Variants in KCNE1 observed in about 807,000 individuals in gnomAD.
KCNE1 encodes the protein potassium voltage-gated channel subfamily E member 1.
In KCNE1, 1 loss-of-function variant was observed where a neutral mutation model predicts 2.9. The ratio of observed to expected loss-of-function variants is 0.34; its 90% confidence interval spans 0.12 to 1.62. The LOEUF (loss-of-function observed/expected upper bound fraction) is 1.62. Ranked by LOEUF, KCNE1 falls within the 40% of genes most tolerant of loss-of-function variation. The pLI is 0.36. For missense variants in KCNE1, 45 were observed against 150.5 expected (o/e 0.30, Z 3.67); for synonymous variants, 23 against 65.4 (o/e 0.35, Z 3.13).
chr21:34,449,583 GC>G lies in KCNE1; in HGVS notation c.51del (p.Trp17CysfsTer47). The G allele has an allele frequency of 1.0e-6, 1 of 992,696 alleles. No homozygotes were observed. The highest frequency in any genetic ancestry group is 2.2e-5 in the Admixed American group (1 of 46,288). 61.5% of individuals were successfully genotyped at this position (992,696 alleles called of 1,614,324 possible). Reference sequence around the variant, plus strand: ...TTGCCACCCTGCTGAACTGTCTCCTGCCACAGCTTGGTCAGAAAGGGCGTCA... The same window carrying G: ...TTGCCACCCTGCTGAACTGTCTCCTGCACAGCTTGGTCAGAAAGGGCGTCA... The part of the protein sequence containing the change: ...TAVTPFLTKL[W>X]QETVQQGGNM... On this transcript the variant is annotated frameshift_variant, in exon 4 of 4. Coordinates refer to ENST00000399286, the MANE Select transcript of KCNE1 (RefSeq NM_000219.6). LOFTEE classifies it high-confidence loss of function.
chr21:34,498,546 C>T (rs1054893097), intron 2 of KCNE1, among the ~76,000 whole-genome samples: 8 of 152,228 alleles, frequency 5.3e-5, no homozygotes, highest in South Asian at 2.1e-4. Flanking sequence ...AGTCCTGTGA[C>T]GTGATCCATT....
chr21:34,510,863 C>T (rs915078661), intron 2 of KCNE1: 1 of 152,658 alleles, frequency 6.6e-6, no homozygotes, highest in East Asian at 1.9e-4. Context: ...TGGCCTGAGG[C>T]CTTCTCTCTC....
At chr21:34,498,162 A>G (rs894552733) in intron 2 of KCNE1, among the ~76,000 whole-genome samples, 15 of 151,986 alleles carry the variant, frequency 9.9e-5, no homozygotes, top group Non-Finnish European at 1.6e-4. Flanking sequence ...TTAATAACCA[A>G]CCTTCTGAAT....
At chr21:34,503,054 C>T (rs1337998845) in intron 2 of KCNE1, among the ~76,000 whole-genome samples, 1 of 152,178 alleles carries the variant, frequency 6.6e-6, no homozygotes, top group Non-Finnish European at 1.5e-5. Flanking sequence ...AATTCTGATG[C>T]TAACTACCCA....
In KCNE1 at chr21:34,495,521, G is replaced by A. The variant is rs980048506; in HGVS notation, c.-162+15580C>T. Among the ~76,000 whole-genome samples, 47 of 82,796 alleles carry A rather than the reference G, an allele frequency of 5.7e-4. 1 individual carries two copies. Among genetic ancestry groups the A allele is most frequent in the African/African-American group, 2.2e-3 (46 of 20,830 alleles). 54.3% of individuals were successfully genotyped at this position (82,796 alleles called of 152,430 possible). On this transcript the variant is annotated intron_variant, in intron 2 of 3. Transcript: ENST00000399286. ...CATCTGGTCCTGGACTTTTTTTTTT[G>A]TTGGGAATTTTTGTATTATTGTTTT... is the stretch of plus-strand genomic sequence containing the variant.
chr21:34,505,787 C>T (rs1217528855), intron 2 of KCNE1, among the ~76,000 whole-genome samples: 1 of 152,182 alleles, frequency 6.6e-6, no homozygotes, highest in Non-Finnish European at 1.5e-5. Context: ...AAAGTGAGTA[C>T]AAACACCCTT....
intron 2 of KCNE1, among the ~76,000 whole-genome samples, chr21:34,501,275 T>A (rs143949739): frequency 2.0e-5 from 3 of 152,310 alleles, no homozygotes; most frequent in African/African-American, 7.2e-5. Context: ...CTATAGTAAG[T>A]TACTGCTCAA....
At chr21:34,506,791 G>T (rs562024863) in intron 2 of KCNE1, among the ~76,000 whole-genome samples, 1 of 152,334 alleles carries the variant, frequency 6.6e-6, no homozygotes, top group African/African-American at 2.4e-5. Flanking sequence ...AGTTGTGCTG[G>T]GGAATGCAGT....
At chr21:34,501,691 G>T (rs761054951) in intron 2 of KCNE1, among the ~76,000 whole-genome samples, 2 of 152,118 alleles carry the variant, frequency 1.3e-5, no homozygotes, top group African/African-American at 2.4e-5. Context: ...AGGGTGTAAG[G>T]GTTGATAGAC....
intron 2 of KCNE1, among the ~76,000 whole-genome samples, chr21:34,500,685 T>C (rs1170109809): frequency 2.0e-5 from 3 of 152,228 alleles, no homozygotes; most frequent in Admixed American, 1.3e-4. Flanking sequence ...CAAATATGTA[T>C]ATGTACACAC....
intron 2 of KCNE1, among the ~76,000 whole-genome samples, chr21:34,497,120 A>G (rs576824283): frequency 6.6e-6 from 1 of 152,130 alleles, no homozygotes; most frequent in African/African-American, 2.4e-5. Context: ...CTATTCTTCC[A>G]TTCTGTATCT....
At chr21:34,500,077 T>C (rs963381222) in intron 2 of KCNE1, among the ~76,000 whole-genome samples, 1 of 152,336 alleles carries the variant, frequency 6.6e-6, no homozygotes, top group Admixed American at 6.5e-5. Context: ...ATATTTATAA[T>C]TTAAATTTAA....
At chr21:34,509,280 G>A (rs1342218424) in intron 2 of KCNE1, among the ~76,000 whole-genome samples, 1 of 152,088 alleles carries the variant, frequency 6.6e-6, no homozygotes, top group African/African-American at 2.4e-5. Flanking sequence ...GCTGCTGGCC[G>A]GGGGCCATCC....
At chr21:34,498,587 C>G (rs764521199) in intron 2 of KCNE1, among the ~76,000 whole-genome samples, 4 of 152,248 alleles carry the variant, frequency 2.6e-5, no homozygotes, top group Non-Finnish European at 5.9e-5. Flanking sequence ...CTACCAGCAC[C>G]TGCTCTCGTG....
chr21:34,497,878 T>C (rs1982908579), intron 2 of KCNE1, among the ~76,000 whole-genome samples: 1 of 149,336 alleles, frequency 6.7e-6, no homozygotes, highest in Non-Finnish European at 1.5e-5. Context: ...TTTTAAATTC[T>C]TTTTTTTTCT....
chr21:34,508,313 C>T (rs539292635), intron 2 of KCNE1, among the ~76,000 whole-genome samples: 1 of 151,990 alleles, frequency 6.6e-6, no homozygotes, highest in East Asian at 1.9e-4. Context: ...TAGGCGTGAG[C>T]CACTGCACTG....
At position 34,511,300 on chromosome 21, in the gene KCNE1, G is replaced by A; in HGVS notation, c.-361C>T. 1.0e-6 allele frequency: 1 copy of A among 985,548 alleles called. No homozygotes were observed. Among genetic ancestry groups the A allele is most frequent in the Non-Finnish European group, 1.2e-6 (1 of 830,002 alleles). 61.1% of individuals were successfully genotyped at this position (985,548 alleles called of 1,614,324 possible). ...CCCTCCAGGACAGGCCGAAGGGCTT[G>A]TCTGTTTGGTGGTTGCTAAGGTTTG... On this transcript the variant is annotated 5_prime_UTR_variant, in exon 2 of 4. Transcript: ENST00000399286.
chr21:34,498,447 A>C (rs548697584), intron 2 of KCNE1, among the ~76,000 whole-genome samples: 4 of 152,330 alleles, frequency 2.6e-5, no homozygotes, highest in African/African-American at 9.6e-5. Flanking sequence ...CCTGGGAGCC[A>C]GACTGCAGTA....
chr21:34,511,040 T>A (rs1853967506), intron 2 of KCNE1, 61 bp downstream of exon 2: 1 of 588,920 alleles, frequency 1.7e-6, no homozygotes. Flanking sequence ...AGGGTGGGCA[T>A]GAGGGTGGGA....
Sources: allele counts gnomAD v4.1 joint callset (sites outside exome capture counted in the v4.1 genomes callset), GRCh38; gene constraint gnomAD v4.1.1; transcripts MANE v1.5; gene names NCBI Gene and HGNC (gene_info 2026-07-23, HGNC 2026-07-21).